The following AGTPBP1 variants were observed in gnomAD, a reference collection of about 807,000 sequenced individuals.
AGTPBP1 encodes the protein ATP/GTP binding carboxypeptidase 1.
AGTPBP1 carries 70 observed loss-of-function variants against 143.9 expected under a neutral mutation model. The ratio of observed to expected loss-of-function variants is 0.49; its 90% confidence interval spans 0.40 to 0.59. AGTPBP1 has a LOEUF of 0.59. AGTPBP1 is among the 20% of genes least tolerant of loss of function. The pLI is 0.00. For missense variants in AGTPBP1, 1,229 were observed against 1,464.5 expected (o/e 0.84, Z 2.62); for synonymous variants, 463 against 500.2 (o/e 0.93, Z 0.99).
intron 13 of AGTPBP1, among the ~76,000 whole-genome samples, chr9:85,641,383 C>T (rs1315267980): frequency 1.3e-5 from 2 of 152,166 alleles, no homozygotes; most frequent in Admixed American, 6.5e-5. Context: ...AAAGAGCTCA[C>T]GGATAACTGC....
intron 1 of AGTPBP1, among the ~76,000 whole-genome samples, chr9:85,737,809 T>C (rs1039021488): frequency 6.6e-6 from 1 of 152,202 alleles, no homozygotes; most frequent in African/African-American, 2.4e-5. Flanking sequence ...AGTTTTAATA[T>C]AATACCAAAC....
the AGTPBP1 span, chr9:85,753,268 T>C: frequency 1.2e-6 from 2 of 1,610,996 alleles, no homozygotes; most frequent in African/African-American, 2.7e-5. Flanking sequence ...TGGTCAGGTG[T>C]AAAAGCAATA....
chr9:85,604,974 A>G (rs951610743), intron 17 of AGTPBP1, among the ~76,000 whole-genome samples: 1 of 152,198 alleles, frequency 6.6e-6, no homozygotes, highest in Non-Finnish European at 1.5e-5. Context: ...AAGTATGCCT[A>G]CAATATCGAG....
intron 8 of AGTPBP1, among the ~76,000 whole-genome samples, chr9:85,664,654 T>A (rs894652140): frequency 6.6e-6 from 1 of 152,114 alleles, no homozygotes; most frequent in Non-Finnish European, 1.5e-5. Flanking sequence ...AGTAAACCCC[T>A]CTTCCTATGG....
In AGTPBP1 at chr9:85,627,838, T is replaced by C. The variant is rs150023190; in HGVS notation, c.2015+4824A>G. Among the ~76,000 whole-genome samples the C allele has an allele frequency of 4.3e-4, 66 of 152,354 alleles. No homozygotes were observed. The East Asian group carries it at 0.01, about 24-fold the overall frequency. ...TTTTCTTTTCTCTAACTTACCTTTA[T>C]TGCAAGAATACAGTATATAATACAA... On this transcript the variant is annotated intron_variant, in intron 14 of 25. Transcript: ENST00000357081.
chr9:85,619,346 T>C (rs745548524), intron 15 of AGTPBP1, 45 bp from the exon 16 acceptor site: 1 of 1,352,304 alleles, frequency 7.4e-7, no homozygotes, highest in African/African-American at 1.5e-5. Flanking sequence ...ACATTGCATT[T>C]AAACAGATGA....
intron 23 of AGTPBP1, among the ~76,000 whole-genome samples, chr9:85,583,521 T>C (rs919160636): frequency 4.6e-5 from 7 of 152,022 alleles, no homozygotes; most frequent in African/African-American, 1.7e-4. Flanking sequence ...AGAAATGAAA[T>C]TTGGGTGCTT....
At chr9:85,604,631 A>G (rs1278270849) in intron 17 of AGTPBP1, among the ~76,000 whole-genome samples, 2 of 152,204 alleles carry the variant, frequency 1.3e-5, no homozygotes, top group African/African-American at 4.8e-5. Flanking sequence ...CACCAAATGA[A>G]CAAAGGCACC....
chr9:85,709,139 GA>G (rs1837205042), intron 2 of AGTPBP1, among the ~76,000 whole-genome samples: 1 of 152,102 alleles, frequency 6.6e-6, no homozygotes, highest in Non-Finnish European at 1.5e-5. Flanking sequence ...GACCAAGTAA[GA>G]TCAATCACAG....
chr9:85,558,945 A>G (rs139523661), intron 25 of AGTPBP1, among the ~76,000 whole-genome samples: 75 of 152,308 alleles, frequency 4.9e-4, no homozygotes, highest in Middle Eastern at 3.4e-3. Flanking sequence ...AACATGCTCA[A>G]GCTTCAAATA....
the AGTPBP1 span, chr9:85,756,243 C>A: frequency 6.3e-7 from 1 of 1,596,040 alleles, no homozygotes; most frequent in Non-Finnish European, 8.5e-7. Context: ...AAATTGAGAT[C>A]TAGTCAGGTA....
chr9:85,778,082 G>A, the AGTPBP1 span, among the ~76,000 whole-genome samples: 27 of 152,330 alleles, frequency 1.8e-4, no homozygotes, highest in South Asian at 1.2e-3. Context: ...AAGGCAGGGT[G>A]GCGAGTGGAG....
chr9:85,627,456 T>G (rs1284365600), intron 14 of AGTPBP1, among the ~76,000 whole-genome samples: 1 of 152,130 alleles, frequency 6.6e-6, no homozygotes. Flanking sequence ...AACAAATAAT[T>G]TTGAAGAGTT....
chr9:85,736,713 G>A (rs930208580), intron 1 of AGTPBP1, among the ~76,000 whole-genome samples: 1 of 152,092 alleles, frequency 6.6e-6, no homozygotes, highest in Non-Finnish European at 1.5e-5. Context: ...TCTTTTAGGG[G>A]ACCCACAAGT....
intron 9 of AGTPBP1, among the ~76,000 whole-genome samples, chr9:85,660,417 C>T (rs1277286801): frequency 6.6e-6 from 1 of 152,098 alleles, no homozygotes; most frequent in African/African-American, 2.4e-5. Context: ...TACTCCAATG[C>T]TTCAATTCTG....
the AGTPBP1 span, among the ~76,000 whole-genome samples, chr9:85,788,887 G>T: frequency 6.6e-6 from 1 of 151,352 alleles, no homozygotes; most frequent in African/African-American, 2.4e-5. Flanking sequence ...TATTAATGAA[G>T]ATCCTAATAA....
chr9:85,788,271 G>A, the AGTPBP1 span, among the ~76,000 whole-genome samples: 5 of 151,276 alleles, frequency 3.3e-5, no homozygotes, highest in Admixed American at 3.3e-4. Context: ...GTCAGATTCT[G>A]GTTTCCAGCT....
chr9:85,582,861 T>G (rs972835645), intron 23 of AGTPBP1, among the ~76,000 whole-genome samples: 1 of 152,164 alleles, frequency 6.6e-6, no homozygotes, highest in African/African-American at 2.4e-5. Context: ...GGTATGGTAG[T>G]CACCATCAAA....
At chr9:85,599,266 T>C (rs1829509160) in intron 17 of AGTPBP1, among the ~76,000 whole-genome samples, 1 of 152,196 alleles carries the variant, frequency 6.6e-6, no homozygotes, top group Non-Finnish European at 1.5e-5. Flanking sequence ...TTTCAATCTC[T>C]GACCTTTTGA....
Sources: gnomAD v4.1 joint callset for allele counts (sites outside exome capture counted in the v4.1 genomes callset) on GRCh38, gnomAD v4.1.1 for gene constraint, MANE v1.5 for transcripts, NCBI Gene and HGNC (gene_info 2026-07-23, HGNC 2026-07-21) for gene names.